Variants in HCN1 observed in about 807,000 individuals in gnomAD.
The protein encoded by HCN1 is potassium/sodium hyperpolarization-activated cyclic nucleotide-gated channel 1.
A neutral mutation model predicts 78.9 loss-of-function variants in HCN1; 13 were observed. That is an observed-to-expected ratio of 0.16 (90% CI 0.11 to 0.26). The LOEUF (loss-of-function observed/expected upper bound fraction) is 0.26, where lower values mean the gene tolerates loss of function less well. HCN1 is among the 10% of genes least tolerant of loss of function. The probability of loss-of-function intolerance (pLI) is 1.00; values close to 1 mark genes in which losing one functional copy is unlikely to be tolerated. For missense variants in HCN1, 810 were observed against 1,154.3 expected, an observed-to-expected ratio of 0.70 and a Z score of 4.32; for synonymous variants, 552 against 455.5, an observed-to-expected ratio of 1.21 and a Z score of -2.70.
At chr5:45,565,804 AAACAAC>A (rs942641869) in intron 2 of HCN1, among the ~76,000 whole-genome samples, 1 of 152,104 alleles carries the variant, frequency 6.6e-6, no homozygotes, top group East Asian at 1.9e-4. Flanking sequence ...CCCTGTCTCA[AAACAAC>A]AACAACAACA....
chr5:45,562,611 T>A (rs865897025), intron 2 of HCN1, among the ~76,000 whole-genome samples: 30 of 152,152 alleles, frequency 2.0e-4, no homozygotes, highest in African/African-American at 6.5e-4. Context: ...TATTAATGAA[T>A]ATCTGGGTAA....
intron 2 of HCN1, among the ~76,000 whole-genome samples, chr5:45,523,082 C>G (rs546572542): frequency 4.1e-5 from 6 of 146,174 alleles, no homozygotes; most frequent in African/African-American, 1.5e-4. Context: ...TTGTTCAATT[C>G]CCACCTATGA....
At chr5:45,352,376 GCA>G (rs1746925570) in intron 5 of HCN1, among the ~76,000 whole-genome samples, 1 of 151,538 alleles carries the variant, frequency 6.6e-6, no homozygotes, top group African/African-American at 2.4e-5. Context: ...GGAGTGTTGT[GCA>G]GTGGGGGGAG....
intron 3 of HCN1, among the ~76,000 whole-genome samples, chr5:45,434,954 TA>T (rs1740534301): frequency 6.6e-6 from 1 of 152,118 alleles, no homozygotes; most frequent in African/African-American, 2.4e-5. Flanking sequence ...AGATCATCTT[TA>T]TTTTTTTTAA....
intron 1 of HCN1, among the ~76,000 whole-genome samples, chr5:45,656,385 T>A (rs752856104): frequency 6.6e-6 from 1 of 152,086 alleles, no homozygotes; most frequent in African/African-American, 2.4e-5. Flanking sequence ...AAGTTCTAGG[T>A]TAGGCTTTAT....
chr5:45,307,415 A>G (rs1468081977), intron 5 of HCN1, among the ~76,000 whole-genome samples: 1 of 152,172 alleles, frequency 6.6e-6, no homozygotes, highest in Non-Finnish European at 1.5e-5. Context: ...GTAACTTTCC[A>G]ATAGAGAAAC....
rs924255101 is a variant in HCN1 at position 45,262,653 on chromosome 5, C to T, written c.1941G>A (p.Leu647=). 3.7e-6 allele frequency: 6 copies of T among 1,614,066 alleles called. No homozygotes were observed. In the East Asian group the frequency reaches 1.3e-4, roughly 36 times the overall value. The change falls in exon 8 of 8, where the codon CTG becomes CTA. Residue 647 remains leucine (L), a synonymous_variant. Coordinates refer to ENST00000303230, the MANE Select transcript of HCN1 (RefSeq NM_021072.4). ...GGGTCGTAGTAGACGATGTGGAATT[C>T]AGGGTTGTCATTTGAGGATAATTGA... is the stretch of plus-strand genomic sequence containing the variant. ...APINYPQMTT[L]NSTSSTTTPT...
intron 1 of HCN1, among the ~76,000 whole-genome samples, chr5:45,654,840 T>A (rs1409676311): frequency 1.3e-5 from 2 of 152,162 alleles, no homozygotes; most frequent in Non-Finnish European, 2.9e-5. Flanking sequence ...TTTATTCAAG[T>A]TTGGAGTTTT....
At chr5:45,317,932 T>C (rs1228962152) in intron 5 of HCN1, among the ~76,000 whole-genome samples, 1 of 152,108 alleles carries the variant, frequency 6.6e-6, no homozygotes, top group African/African-American at 2.4e-5. Context: ...CTGGAGAGTA[T>C]GTGGAGAAAT....
intron 2 of HCN1, among the ~76,000 whole-genome samples, chr5:45,474,403 T>A (rs187670998): frequency 1.6e-3 from 241 of 151,962 alleles, no homozygotes; most frequent in African/African-American, 5.5e-3. Flanking sequence ...TCTGTAAAAA[T>A]TTTTAAACTG....
chr5:45,289,071 T>G (rs746946122), intron 6 of HCN1, among the ~76,000 whole-genome samples: 3 of 152,034 alleles, frequency 2.0e-5, no homozygotes, highest in Non-Finnish European at 4.4e-5. Context: ...TTGGGGGGCA[T>G]TATACAATAT....
intron 3 of HCN1, among the ~76,000 whole-genome samples, chr5:45,439,057 A>G (rs1448550223): frequency 6.6e-6 from 1 of 152,200 alleles, no homozygotes; most frequent in East Asian, 1.9e-4. Context: ...TAAATCTTAT[A>G]GAACTCAAAA....
chr5:45,399,906 T>C (rs1739758693), intron 3 of HCN1, among the ~76,000 whole-genome samples: 1 of 152,166 alleles, frequency 6.6e-6, no homozygotes. Context: ...TTTTAATATG[T>C]ACATAGTATA....
rs140580845 is a variant in HCN1, at chr5:45,507,657, T to G, written c.850-45650A>C. 6.6e-5 allele frequency among the ~76,000 whole-genome samples: 10 copies of G among 152,214 alleles called. No individual in the cohort carries two copies. In the East Asian group the frequency reaches 1.9e-3, roughly 29 times the overall value. On this transcript the variant is annotated intron_variant, in intron 2 of 7. Transcript: ENST00000303230. ...TTGAGAATAAAGGAGCACACACACATGGTCAGAAGGTGACCCACGGATTAC... is the reference window on the plus strand; with the variant it reads ...TTGAGAATAAAGGAGCACACACACAGGGTCAGAAGGTGACCCACGGATTAC...
intron 1 of HCN1, among the ~76,000 whole-genome samples, chr5:45,680,470 G>C (rs1739682567): frequency 6.6e-6 from 1 of 152,032 alleles, no homozygotes; most frequent in East Asian, 1.9e-4. Flanking sequence ...AATGTTGGTA[G>C]CCATGAAAGT....
Position 45,289,460 on chromosome 5 carries a change from A to G in HCN1, c.1618+14139T>C, listed in dbSNP as rs1453039137. ...CTCCTAGACTCCACAGATACAATGG[A>G]GCATTATAATAATCCCTAAAGAAAG... On this transcript the variant is annotated intron_variant, in intron 6 of 7. Transcript: ENST00000303230. 2.6e-5 allele frequency among the ~76,000 whole-genome samples: 4 copies of G among 152,064 alleles called. No homozygotes were observed. In the East Asian group the frequency reaches 7.7e-4, roughly 29 times the overall value.
intron 2 of HCN1, among the ~76,000 whole-genome samples, chr5:45,472,285 T>G (rs762508753): frequency 6.6e-6 from 1 of 151,850 alleles, no homozygotes; most frequent in Non-Finnish European, 1.5e-5. Context: ...CAGGAAAGAC[T>G]TTTTTGGCCT....
At chr5:45,685,114 T>C (rs529408022) in intron 1 of HCN1, among the ~76,000 whole-genome samples, 4 of 152,284 alleles carry the variant, frequency 2.6e-5, no homozygotes, top group South Asian at 4.1e-4. Context: ...CTAGAAATAA[T>C]TATATTTCTA....
chr5:45,371,671 C>A (rs1747363554), intron 4 of HCN1, among the ~76,000 whole-genome samples: 1 of 149,780 alleles, frequency 6.7e-6, no homozygotes, highest in Non-Finnish European at 1.5e-5. Context: ...GCAGGAGAAT[C>A]ACTTGAACCC....
Sources: allele counts gnomAD v4.1 joint callset (sites outside exome capture counted in the v4.1 genomes callset), GRCh38; gene constraint gnomAD v4.1.1; transcripts MANE v1.5; gene names NCBI Gene and HGNC (gene_info 2026-07-23, HGNC 2026-07-21).